Variants in BRINP3 observed in about 807,000 individuals in gnomAD.
The protein encoded by BRINP3 is BMP/retinoic acid-inducible neural-specific protein 3.
Under a neutral mutation model 71.0 loss-of-function variants are expected in BRINP3, and 19 were observed. That is an observed-to-expected ratio of 0.27 (90% CI 0.19 to 0.39). The LOEUF is 0.39. Ranked by LOEUF, BRINP3 falls within the 10% of genes least tolerant of loss-of-function variation. BRINP3 has a pLI of 1.00. For synonymous variants in BRINP3, 380 were observed against 337.7 expected (o/e 1.13, Z -1.37); for missense variants, 959 against 940.8 (o/e 1.02, Z -0.25).
intron 7 of BRINP3, among the ~76,000 whole-genome samples, chr1:190,158,014 A>G (rs531469117): frequency 6.6e-6 from 1 of 152,244 alleles, no homozygotes; most frequent in African/African-American, 2.4e-5. Flanking sequence ...ATGCAAGAAT[A>G]GAAAGCCAAT....
intron 6 of BRINP3, among the ~76,000 whole-genome samples, chr1:190,188,512 T>G (rs1653739515): frequency 6.6e-6 from 1 of 152,180 alleles, no homozygotes. Context: ...ATATATAGCC[T>G]TTATTTCACT....
intron 6 of BRINP3, among the ~76,000 whole-genome samples, chr1:190,173,236 A>G (rs1013201871): frequency 6.6e-6 from 1 of 152,182 alleles, no homozygotes; most frequent in African/African-American, 2.4e-5. Flanking sequence ...ATCCAGATAT[A>G]AAACTACTTG....
intron 3 of BRINP3, among the ~76,000 whole-genome samples, chr1:190,274,254 T>C (rs539988433): frequency 6.6e-6 from 1 of 151,730 alleles, no homozygotes; most frequent in African/African-American, 2.4e-5. Flanking sequence ...TGTGTCTTTT[T>C]TTTTTACTAC....
chr1:190,198,092 C>G (rs1380332679), intron 6 of BRINP3, among the ~76,000 whole-genome samples: 1 of 152,016 alleles, frequency 6.6e-6, no homozygotes, highest in African/African-American at 2.4e-5. Context: ...GCTACCAACC[C>G]TCTGAAGGGT....
intron 2 of BRINP3, among the ~76,000 whole-genome samples, chr1:190,298,879 C>G (rs1317800618): frequency 1.3e-5 from 2 of 152,082 alleles, no homozygotes; most frequent in Non-Finnish European, 2.9e-5. Context: ...TCAAGTTGTT[C>G]TAGCAACTGA....
intron 1 of BRINP3, 39 bp from the exon 2 acceptor site, chr1:190,454,979 G>T: frequency 1.0e-6 from 1 of 968,712 alleles, no homozygotes; most frequent in Non-Finnish European, 1.5e-6. Flanking sequence ...ACTCCTAGAA[G>T]ATTCCTTTCT....
chr1:190,299,372 T>A (rs1307998479), intron 2 of BRINP3, among the ~76,000 whole-genome samples: 1 of 151,688 alleles, frequency 6.6e-6, no homozygotes, highest in African/African-American at 2.4e-5. Context: ...TCTCTTTCTC[T>A]TTTTTCCTAT....
chr1:190,251,005 C>G (rs1423548099), intron 4 of BRINP3, among the ~76,000 whole-genome samples: 1 of 151,566 alleles, frequency 6.6e-6, no homozygotes, highest in East Asian at 1.9e-4. Flanking sequence ...TCTCTTGAGG[C>G]CAGGAGTTTG....
At chr1:190,450,829 A>T (rs1333664976) in intron 2 of BRINP3, among the ~76,000 whole-genome samples, 1 of 151,988 alleles carries the variant, frequency 6.6e-6, no homozygotes, top group Non-Finnish European at 1.5e-5. Context: ...ATAAAGAAAC[A>T]CTTATTCAAA....
chr1:190,114,175 A>G (rs1177448286), intron 7 of BRINP3, among the ~76,000 whole-genome samples: 1 of 152,028 alleles, frequency 6.6e-6, no homozygotes, highest in Non-Finnish European at 1.5e-5. Flanking sequence ...CTCCCCACAC[A>G]TTCCTCTCTT....
intron 2 of BRINP3, among the ~76,000 whole-genome samples, chr1:190,315,439 G>T (rs930062701): frequency 6.6e-6 from 1 of 152,112 alleles, no homozygotes; most frequent in Non-Finnish European, 1.5e-5. Context: ...AAGGACTGCA[G>T]ATAACACCAG....
chr1:190,369,077 G>A (rs2102176576), intron 2 of BRINP3, among the ~76,000 whole-genome samples: 1 of 152,244 alleles, frequency 6.6e-6, no homozygotes, highest in African/African-American at 2.4e-5. Flanking sequence ...AATTCAAAAT[G>A]AGATTTGGGT....
chr1:190,349,784 A>T (rs185074207), intron 2 of BRINP3, among the ~76,000 whole-genome samples: 1 of 152,162 alleles, frequency 6.6e-6, no homozygotes, highest in Non-Finnish European at 1.5e-5. Context: ...AATAAAGAAA[A>T]ATGTATATAT....
intron 4 of BRINP3, among the ~76,000 whole-genome samples, chr1:190,242,483 C>G (rs903626864): frequency 2.0e-5 from 3 of 151,980 alleles, no homozygotes; most frequent in East Asian, 1.9e-4. Flanking sequence ...ACATAAAAAG[C>G]ACAAACACGG....
intron 4 of BRINP3, among the ~76,000 whole-genome samples, chr1:190,235,963 C>T (rs1007257009): frequency 1.3e-5 from 2 of 151,880 alleles, no homozygotes; most frequent in African/African-American, 2.4e-5. Flanking sequence ...ATTTTGTTCA[C>T]TCACATATCC....
At chr1:190,373,423 T>A (rs1019128041) in intron 2 of BRINP3, among the ~76,000 whole-genome samples, 2 of 124,590 alleles carry the variant, frequency 1.6e-5, no homozygotes, top group Admixed American at 7.6e-5. Flanking sequence ...ATTCCTTAAT[T>A]ATATATATAT....
intron 4 of BRINP3, 107 bp downstream of exon 4, chr1:190,264,758 A>C: frequency 1.2e-6 from 1 of 801,558 alleles, no homozygotes; most frequent in East Asian, 3.1e-5. Flanking sequence ...TATTTTTATA[A>C]AATAATTGTT....
intron 2 of BRINP3, among the ~76,000 whole-genome samples, chr1:190,388,069 C>T (rs1388985999): frequency 6.6e-6 from 1 of 151,640 alleles, no homozygotes; most frequent in Non-Finnish European, 1.5e-5. Context: ...AAGCCATTCC[C>T]CAGGTAAATT....
At chr1:190,184,572 C>T (rs1653337802) in intron 6 of BRINP3, among the ~76,000 whole-genome samples, 1 of 152,052 alleles carries the variant, frequency 6.6e-6, no homozygotes, top group African/African-American at 2.4e-5. Context: ...AAAATCATTT[C>T]CTTTACAGCA....
Sources: allele counts gnomAD v4.1 joint callset (sites outside exome capture counted in the v4.1 genomes callset), GRCh38; gene constraint gnomAD v4.1.1; transcripts MANE v1.5; gene names NCBI Gene and HGNC (gene_info 2026-07-23, HGNC 2026-07-21).